TAS2R1: variants seen among roughly 807,000 people sequenced by gnomAD.
TAS2R1 encodes the protein taste receptor type 2 member 1.
For synonymous variants in TAS2R1, 141 were observed against 134.2 expected, an observed-to-expected ratio of 1.05 and a Z score of -0.35; for missense variants, 370 against 353.4, an observed-to-expected ratio of 1.05 and a Z score of -0.38.
At chr5:9,876,024 A>G in the TAS2R1 span, among the ~76,000 whole-genome samples, 9,294 of 152,124 alleles carry the variant, frequency 0.061, 865 homozygotes, top group African/African-American at 0.2. Context: ...CAACTATGGT[A>G]GAGACTGGAA....
chr5:9,778,019 T>C, the TAS2R1 span, among the ~76,000 whole-genome samples: 17 of 152,092 alleles, frequency 1.1e-4, no homozygotes, highest in African/African-American at 3.9e-4. Context: ...TAGCTGGGAC[T>C]ACAGGCGCCC....
chr5:9,742,108 C>A, the TAS2R1 span, among the ~76,000 whole-genome samples: 300 of 152,256 alleles, frequency 2.0e-3, 2 homozygotes, highest in Middle Eastern at 6.8e-3. Context: ...TGGTCTCAAA[C>A]TCCTGACCTC....
At chr5:9,678,862 C>A (rs1025091145) in intron 1 of TAS2R1, among the ~76,000 whole-genome samples, 1 of 152,052 alleles carries the variant, frequency 6.6e-6, no homozygotes, top group South Asian at 2.1e-4. Context: ...TTGATGTGTG[C>A]AGCGAATCAC....
the TAS2R1 span, among the ~76,000 whole-genome samples, chr5:9,874,070 G>C: frequency 1.3e-5 from 2 of 151,968 alleles, no homozygotes; most frequent in South Asian, 2.1e-4. Context: ...GAGTGAGTTG[G>C]AGTTTATTTT....
intron 2 of TAS2R1, among the ~76,000 whole-genome samples, chr5:9,646,622 G>A (rs2126485030): frequency 6.6e-6 from 1 of 152,218 alleles, no homozygotes. Flanking sequence ...GGATAGAACT[G>A]GGTATTTCAG....
chr5:9,735,819 T>C, the TAS2R1 span, among the ~76,000 whole-genome samples: 172 of 152,366 alleles, frequency 1.1e-3, 1 homozygote, highest in Non-Finnish European at 2.0e-3. Context: ...TTACCTCATA[T>C]AACAGCAATA....
At chr5:9,824,147 A>T in the TAS2R1 span, among the ~76,000 whole-genome samples, 10 of 152,150 alleles carry the variant, frequency 6.6e-5, no homozygotes, top group Non-Finnish European at 1.3e-4. Flanking sequence ...CCGCTCTCCC[A>T]CCAGCTTTCC....
At chr5:9,647,638 A>C (rs1042811118) in intron 2 of TAS2R1, among the ~76,000 whole-genome samples, 13 of 152,198 alleles carry the variant, frequency 8.5e-5, no homozygotes, top group African/African-American at 2.2e-4. Context: ...TATATTAGAA[A>C]GGGAAATATA....
chr5:9,861,041 T>TTTTTTTTTTTG, the TAS2R1 span, among the ~76,000 whole-genome samples: 7 of 149,218 alleles, frequency 4.7e-5, 1 homozygote, highest in Non-Finnish European at 1.0e-4. Context: ...GATGAGGTTT[T>TTTTTTTTTTTG]TTTTTTTTTT....
intron 1 of TAS2R1, among the ~76,000 whole-genome samples, chr5:9,700,869 A>G (rs1450049853): frequency 2.0e-5 from 3 of 151,770 alleles, no homozygotes; most frequent in Non-Finnish European, 4.4e-5. Flanking sequence ...CATCCTAATA[A>G]CCTCATTCTT....
At chr5:9,791,227 G>GT in the TAS2R1 span, among the ~76,000 whole-genome samples, 643 of 152,214 alleles carry the variant, frequency 4.2e-3, 5 homozygotes, top group African/African-American at 0.015. Flanking sequence ...CGGATCATGG[G>GT]TATGATGAGA....
At chr5:9,891,910 A>G in the TAS2R1 span, among the ~76,000 whole-genome samples, 42 of 152,212 alleles carry the variant, frequency 2.8e-4, no homozygotes, top group African/African-American at 9.7e-4. Flanking sequence ...AGAGCTTGGC[A>G]GGCTGACCCC....
chr5:9,895,193 G>C, the TAS2R1 span, among the ~76,000 whole-genome samples: 14,037 of 152,230 alleles, frequency 0.092, 642 homozygotes, highest in Non-Finnish European at 0.096. Flanking sequence ...GATTAAGGCA[G>C]TATGGCTTCT....
At chr5:9,721,467 C>A in the TAS2R1 span, among the ~76,000 whole-genome samples, 1 of 152,162 alleles carries the variant, frequency 6.6e-6, no homozygotes, top group Non-Finnish European at 1.5e-5. Flanking sequence ...GAAACAAAAG[C>A]CTGTGTGAAA....
upstream of TAS2R1, among the ~76,000 whole-genome samples, chr5:9,716,497 C>T (rs1189048699): frequency 6.6e-6 from 1 of 151,894 alleles, no homozygotes; most frequent in South Asian, 2.1e-4. Context: ...AGACAACAAT[C>T]GATTTCAGCC....
At chr5:9,695,944 T>C (rs1741347136) in intron 1 of TAS2R1, among the ~76,000 whole-genome samples, 1 of 152,028 alleles carries the variant, frequency 6.6e-6, no homozygotes, top group Admixed American at 6.6e-5. Context: ...TGCATTAGGG[T>C]GGGAAATAAA....
chr5:9,814,405 A>G, the TAS2R1 span, among the ~76,000 whole-genome samples: 5 of 152,206 alleles, frequency 3.3e-5, no homozygotes, highest in African/African-American at 1.2e-4. Context: ...TATCTAGAGT[A>G]AAAAATTTGG....
the TAS2R1 span, among the ~76,000 whole-genome samples, chr5:9,834,928 C>G: frequency 6.6e-6 from 1 of 152,248 alleles, no homozygotes; most frequent in South Asian, 2.1e-4. Flanking sequence ...AATCATAAAA[C>G]GAGCCTAATG....
At chr5:9,694,324 C>T (rs901085527) in intron 1 of TAS2R1, among the ~76,000 whole-genome samples, 6 of 152,012 alleles carry the variant, frequency 3.9e-5, no homozygotes, top group African/African-American at 7.3e-5. Context: ...AATGATTTTC[C>T]GTAGTTACAA....
Sources: gnomAD v4.1 joint callset for allele counts (sites outside exome capture counted in the v4.1 genomes callset) on GRCh38, gnomAD v4.1.1 for gene constraint, MANE v1.5 for transcripts, NCBI Gene and HGNC (gene_info 2026-07-23, HGNC 2026-07-21) for gene names.